The following ACOX1 variants were observed in gnomAD, a reference collection of about 807,000 sequenced individuals.
The protein encoded by ACOX1 is acyl-CoA oxidase 1.
Under a neutral mutation model 75.5 loss-of-function variants are expected in ACOX1, and 41 were observed. The observed-to-expected ratio is 0.54, with a 90% confidence interval of 0.42 to 0.70. The LOEUF (loss-of-function observed/expected upper bound fraction) is 0.70, where lower values mean the gene tolerates loss of function less well. Among genes scored for constraint, ACOX1 ranks in the 30% least tolerant of loss-of-function variants. The probability of loss-of-function intolerance (pLI) is 0.00; values close to 1 mark genes in which losing one functional copy is unlikely to be tolerated. For missense variants in ACOX1, 630 were observed against 837.5 expected (o/e 0.75, Z 3.06); for synonymous variants, 303 against 298.8 (o/e 1.01, Z -0.15).
At chr17:75,970,183 T>TGAAAAAAAAAAAAAAAAAA (rs2065979827) in intron 2 of ACOX1, among the ~76,000 whole-genome samples, 1 of 47,732 alleles carries the variant, frequency 2.1e-5, no homozygotes, top group African/African-American at 2.8e-4. Context: ...TGAGACTCCT[T>TGAAAAAAAAAAAAAAAAAA]CAAAAAAAAA....
chr17:75,946,942 C>T (rs2144228155), intron 13 of ACOX1, 147 bp from the exon 14 acceptor site: 3 of 723,366 alleles, frequency 4.1e-6, no homozygotes, highest in Non-Finnish European at 4.8e-6. Flanking sequence ...AATCTTGGCT[C>T]ACTACAGCCT....
At chr17:75,971,408 C>A (rs2144308965) in intron 2 of ACOX1, among the ~76,000 whole-genome samples, 1 of 152,104 alleles carries the variant, frequency 6.6e-6, no homozygotes, top group Middle Eastern at 3.4e-3. Context: ...TGCCTCAAAC[C>A]AGTATAGTTC....
At chr17:75,974,607 A>T (rs2066027161) in intron 2 of ACOX1, among the ~76,000 whole-genome samples, 1 of 152,190 alleles carries the variant, frequency 6.6e-6, no homozygotes. Context: ...ACTTCTCAAC[A>T]CATGATTAGG....
rs775885844 is a variant in ACOX1, at chr17:75,949,698, G to T, written c.1478+20C>A. 2.0e-5 allele frequency: 32 copies of T among 1,613,990 alleles called. No individual in the cohort carries two copies. The highest frequency in any genetic ancestry group is 2.7e-5 in the African/African-American group (2 of 74,904). On this transcript the variant is annotated intron_variant, in intron 10 of 13. Transcript: ENST00000293217. ...CCCAGCCCCACTGCTGCGTATTCTAGCTCTTGAGGGAGAGCTCACCTGGCT... is the reference window on the plus strand; with the variant it reads ...CCCAGCCCCACTGCTGCGTATTCTATCTCTTGAGGGAGAGCTCACCTGGCT...
chr17:75,978,461 T>C lies in ACOX1; in HGVS notation c.269+73A>G. Reference sequence around the variant, plus strand: ...CATCTTCAAACACCAAGCACGGTGATGAAAGGCCACCATAGACCGCAGCTG... The same window carrying C: ...CATCTTCAAACACCAAGCACGGTGACGAAAGGCCACCATAGACCGCAGCTG... On this transcript the variant is annotated intron_variant, in intron 2 of 13. Coordinates refer to ENST00000293217, the MANE Select transcript of ACOX1 (RefSeq NM_004035.7). This position sits in a 1 kb window ranked among gnomAD's most constrained non-coding sequence, Gnocchi z 4.2. 6.3e-7 allele frequency: 1 copy of C among 1,583,898 alleles called. No homozygotes were observed. The highest frequency in any genetic ancestry group is 8.7e-7 in the Non-Finnish European group (1 of 1,153,330).
rs2065793001 is a variant in ACOX1 at position 75,953,479 on chromosome 17, C to T, written c.916G>A (p.Val306Met). 3 of 1,614,102 alleles carry T rather than the reference C, an allele frequency of 1.9e-6. No homozygotes were observed. The highest frequency in any genetic ancestry group is 2.5e-6 in the Non-Finnish European group (3 of 1,179,974). Residue 306 changes from valine (V) to methionine (M), a missense_variant, in exon 7 of 14, where the codon GTG (valine) becomes ATG (methionine). Transcript: ENST00000293217. Reference sequence around the variant, plus strand: ...GGCTTGATTTCAGACTGGTGCCTCACAGCGCTGTATCGGATGGCAATGGTG... The same window carrying T: ...GGCTTGATTTCAGACTGGTGCCTCATAGCGCTGTATCGGATGGCAATGGTG... ...ACTIAIRYSA[V>M]RHQSEIKPGE...
intron 2 of ACOX1, among the ~76,000 whole-genome samples, chr17:75,975,377 G>A (rs1260566368): frequency 6.6e-6 from 1 of 152,058 alleles, no homozygotes; most frequent in Non-Finnish European, 1.5e-5. Flanking sequence ...GGCTGGTCAT[G>A]AAGTGGCCTG....
chr17:75,970,793 C>T (rs992629940), intron 2 of ACOX1, among the ~76,000 whole-genome samples: 2 of 152,270 alleles, frequency 1.3e-5, no homozygotes, highest in African/African-American at 2.4e-5. Flanking sequence ...ATCTCCTGGA[C>T]GTTGACTTTT....
chr17:75,960,480 A>G lies in ACOX1; in HGVS notation c.270-105T>C. The G allele has an allele frequency of 8.4e-7, 1 of 1,190,074 alleles. No homozygotes were observed. The highest frequency in any genetic ancestry group is 2.5e-5 in the East Asian group (1 of 40,048). 73.7% of individuals were successfully genotyped at this position (1,190,074 alleles called of 1,614,324 possible). A position where few individuals can be genotyped will look rare whatever the true frequency, so the allele number is the denominator to read the frequency against. On this transcript the variant is annotated intron_variant, in intron 2 of 13. Coordinates refer to ENST00000293217, the MANE Select transcript of ACOX1 (RefSeq NM_004035.7). This position sits in a 1 kb window ranked among gnomAD's most constrained non-coding sequence, Gnocchi z 4.4. ...GGAAGGAGACAAAAAAACCTTAAGT[A>G]TGAATTAGTTGCGTGCACTTAATCA...
intron 3 of ACOX1, among the ~76,000 whole-genome samples, chr17:75,958,578 G>T (rs2065856834): frequency 6.6e-6 from 1 of 151,380 alleles, no homozygotes. Context: ...GGGGGCCAAG[G>T]CGGGCGGATC....
intron 3 of ACOX1, among the ~76,000 whole-genome samples, chr17:75,959,430 T>C (rs2065868499): frequency 6.6e-6 from 1 of 152,202 alleles, no homozygotes; most frequent in South Asian, 2.1e-4. Context: ...AAGCAGCAGC[T>C]GTATAGAAAT....
In ACOX1 at chr17:75,957,008, T is replaced by TATATAC. The variant is rs1555617568; in HGVS notation, c.538+450_538+451insGTATAT. The stretch of plus-strand genomic sequence containing the variant: ...ATATATATATATATATATATATATA[T>TATATAC]ACACACACACACCTCTCTCTGTCTA... On this transcript the variant is annotated intron_variant, in intron 4 of 13. Transcript: ENST00000293217. Among the ~76,000 whole-genome samples the TATATAC allele has an allele frequency of 5.3e-4, 58 of 110,188 alleles. 1 individual carries two copies. Among genetic ancestry groups the TATATAC allele is most frequent in the African/African-American group, 2.1e-3 (55 of 26,658 alleles). The allele number at this position is 110,188 out of a possible 152,430, so 72.3% of individuals were successfully genotyped here.
Position 75,961,466 on chromosome 17 carries a change from A to G in ACOX1, c.270-1091T>C, listed in dbSNP as rs1175756173. Among the ~76,000 whole-genome samples, 3 of 42,672 alleles carry G rather than the reference A, an allele frequency of 7.0e-5. No homozygotes were observed. In the East Asian group the frequency reaches 8.9e-4, roughly 13 times the overall value. 28.0% of individuals were successfully genotyped at this position (42,672 alleles called of 152,430 possible). On this transcript the variant is annotated intron_variant, in intron 2 of 13. Transcript: ENST00000293217. The stretch of plus-strand genomic sequence containing the variant: ...GAAATCCCGTTTCTACTAAAAATAC[A>G]AAAAAAAAAAAAAAAAAAAAAGGCC...
At position 75,951,449 on chromosome 17, in the gene ACOX1, C is replaced by T; in HGVS notation, c.1073G>A (p.Gly358Asp). The T allele has an allele frequency of 6.2e-7, 1 of 1,614,142 alleles. No homozygotes were observed. Among genetic ancestry groups the T allele is most frequent in the Non-Finnish European group, 8.5e-7 (1 of 1,180,024 alleles). ...MKETYHRINE[G>D]IGQGDLSELP... is the part of the protein sequence containing the mutation. Reference sequence around the variant, plus strand: ...TTCACTCAGGTCCCCTTGACCAATGCCTTCGTTAATCCGGTGATAGGTCTC... The same window carrying T: ...TTCACTCAGGTCCCCTTGACCAATGTCTTCGTTAATCCGGTGATAGGTCTC... Residue 358 changes from glycine to aspartate, a missense_variant, in exon 8 of 14, where the codon GGC (glycine) becomes GAC (aspartate). Physicochemically the swap from Gly to Asp is moderately conservative, Grantham distance 94. Transcript: ENST00000293217.
chr17:75,973,983 T>G (rs1265729516), intron 2 of ACOX1, among the ~76,000 whole-genome samples: 1 of 152,202 alleles, frequency 6.6e-6, no homozygotes, highest in African/African-American at 2.4e-5. Context: ...CTTCTTCTAA[T>G]TATTTCAAGG....
At chr17:75,958,642 A>G (rs1181666946) in intron 3 of ACOX1, among the ~76,000 whole-genome samples, 1 of 151,906 alleles carries the variant, frequency 6.6e-6, no homozygotes, top group African/African-American at 2.4e-5. Context: ...CCCCGTCTCT[A>G]CTAAAAATAC....
chr17:75,977,439 G>A (rs1310691046), intron 2 of ACOX1, among the ~76,000 whole-genome samples: 3 of 151,966 alleles, frequency 2.0e-5, no homozygotes, highest in Non-Finnish European at 4.4e-5. Flanking sequence ...GGTGGCGGGC[G>A]CCTGTAATCC....
intron 7 of ACOX1, among the ~76,000 whole-genome samples, chr17:75,952,093 G>A (rs2065780267): frequency 6.6e-6 from 1 of 152,060 alleles, no homozygotes; most frequent in African/African-American, 2.4e-5. Context: ...TAAGAAAACC[G>A]TAGCTCATAG....
chr17:75,970,978 G>A (rs574768072), intron 2 of ACOX1, among the ~76,000 whole-genome samples: 9 of 152,198 alleles, frequency 5.9e-5, no homozygotes, highest in South Asian at 2.1e-4. Flanking sequence ...TTAAGACAAC[G>A]TTGGTTTAAA....
Sources: allele counts gnomAD v4.1 joint callset (sites outside exome capture counted in the v4.1 genomes callset), GRCh38; gene constraint gnomAD v4.1.1; non-coding constraint Gnocchi (gnomAD v3.1); transcripts MANE v1.5; gene names NCBI Gene and HGNC (gene_info 2026-07-23, HGNC 2026-07-21).